The following COL6A5 variants were observed in gnomAD, a reference collection of about 807,000 sequenced individuals.
COL6A5 encodes collagen alpha-5(VI) chain.
COL6A5 carries 48 observed loss-of-function variants against 65.6 expected under a neutral mutation model. The ratio of observed to expected loss-of-function variants is 0.73; its 90% CI spans 0.58 to 0.93. The LOEUF (loss-of-function observed/expected upper bound fraction) is 0.93, where lower values mean the gene tolerates loss of function less well. COL6A5 is among the 40% of genes least tolerant of loss of function. The probability of loss-of-function intolerance (pLI) is 0.00; values close to 1 mark genes in which losing one functional copy is unlikely to be tolerated. For synonymous variants in COL6A5, 291 were observed against 322.8 expected (o/e 0.90, Z 1.05); for missense variants, 914 against 928.3 (o/e 0.98, Z 0.20).
At position 130,379,452 on chromosome 3, in the gene COL6A5, C is replaced by T. The variant is rs80113189; in HGVS notation, c.702C>T (p.Leu234=). The T allele has an allele frequency of 4.9e-4, 760 of 1,551,110 alleles. 5 individuals are homozygous for T. The African/African-American group carries it at 8.7e-3, about 18-fold the overall frequency. The change falls in exon 4 of 42, where the codon CTC becomes CTT. Residue 234 remains leucine (L), a synonymous_variant and NMD_transcript_variant. Coordinates refer to the COL6A5 transcript ENST00000312481. Reference sequence around the variant, plus strand: ...CCATATCCTGTCAGAAAGATTCACTCGCTGACCTCGTGTTCCTGGTGGATG... The same window carrying T: ...CCATATCCTGTCAGAAAGATTCACTTGCTGACCTCGTGTTCCTGGTGGATG...
intron 1 of COL6A5, among the ~76,000 whole-genome samples, chr3:130,432,588 T>C (rs1266068070): frequency 2.0e-5 from 3 of 150,970 alleles, no homozygotes; most frequent in Non-Finnish European, 2.9e-5. Context: ...AGAGGATTTC[T>C]AGTGACTTAA....
At chr3:130,385,301 CA>C (rs1936146971) in exon 5 of COL6A5, 1 of 1,550,824 alleles carries the variant, frequency 6.4e-7, no homozygotes. Context: ...TAGCTTTGGG[CA>C]GAACTTTGAT....
intron 1 of COL6A5, among the ~76,000 whole-genome samples, chr3:130,434,791 T>C (rs895285690): frequency 6.6e-6 from 1 of 152,158 alleles, no homozygotes; most frequent in Middle Eastern, 3.2e-3. Context: ...GTTTTTTGGG[T>C]TTTTTTCTTG....
intron 28 of COL6A5, 92 bp from the exon 29 acceptor site, chr3:130,423,734 CTTTTTAAAATTT>C (rs1937554265): frequency 1.3e-6 from 1 of 751,488 alleles, no homozygotes; most frequent in Non-Finnish European, 2.0e-6. Context: ...TAGCTGCTAT[CTTTTTAAAATTT>C]TTTTTAAAAT....
intron 10 of COL6A5, among the ~76,000 whole-genome samples, chr3:130,399,060 C>T (rs144646977): frequency 2.1e-3 from 315 of 152,246 alleles, no homozygotes; most frequent in South Asian, 0.011. Context: ...CAAACTGAGC[C>T]GGAAGCTAAA....
exon 20 of COL6A5, chr3:130,410,495 C>A: frequency 6.4e-7 from 1 of 1,550,842 alleles, no homozygotes; most frequent in Non-Finnish European, 8.7e-7. Flanking sequence ...GAAAGGGGTG[C>A]AAGGCAGTCC....
At chr3:130,392,844 G>A (rs1287285481) in intron 7 of COL6A5, among the ~76,000 whole-genome samples, 3 of 151,978 alleles carry the variant, frequency 2.0e-5, no homozygotes, top group Admixed American at 1.3e-4. Flanking sequence ...CATCTTCTTC[G>A]TTTCAGATAT....
At chr3:130,470,170 G>A (rs1709913042) in intron 6 of COL6A5, among the ~76,000 whole-genome samples, 2 of 152,040 alleles carry the variant, frequency 1.3e-5, no homozygotes, top group Non-Finnish European at 2.9e-5. Flanking sequence ...ACACAGTGGG[G>A]CTTTAAGGGT....
exon 29 of COL6A5, chr3:130,423,872 G>A (rs556827478): frequency 4.1e-5 from 64 of 1,549,704 alleles, no homozygotes; most frequent in South Asian, 2.7e-4. Flanking sequence ...GAGGGATCTC[G>A]AGGACTCCCA....
Position 130,406,451 on chromosome 3 carries a change from C to G in COL6A5, c.4479+130C>G, listed in dbSNP as rs1936997595. On this transcript the variant is annotated intron_variant and NMD_transcript_variant, in intron 17 of 41. Transcript: ENST00000312481. ...TTAACCACATAATGAAGGCCTATTGCTACTGAATGTATGCTGCATATCTGA... is the reference window on the plus strand; with the variant it reads ...TTAACCACATAATGAAGGCCTATTGGTACTGAATGTATGCTGCATATCTGA... 3 of 686,650 alleles carry G rather than the reference C, an allele frequency of 4.4e-6. No individual in the cohort carries two copies. The South Asian group carries it at 5.5e-5, about 13-fold the overall frequency. The allele number at this position is 686,650 out of a possible 1,614,324, so 42.5% of individuals were successfully genotyped here.
At chr3:130,352,592 G>A (rs778910240) in intron 1 of COL6A5, among the ~76,000 whole-genome samples, 1 of 152,130 alleles carries the variant, frequency 6.6e-6, no homozygotes, top group East Asian at 1.9e-4. Context: ...TCATGATCAA[G>A]TTGAGGCTCA....
chr3:130,435,403 G>C (rs1196789714), intron 1 of COL6A5, among the ~76,000 whole-genome samples: 2 of 152,104 alleles, frequency 1.3e-5, no homozygotes, highest in African/African-American at 4.8e-5. Flanking sequence ...TTTTTGCTTA[G>C]GATTGTCTTG....
rs993892919 is a variant in COL6A5, at chr3:130,389,031, A to G, written c.2313A>G (p.Leu771=). ...TATACAATGCCAATAGATCTCAGCT[A>G]GAAGAGATCAGTGGGGATAGCAGCC... The change falls in exon 6 of 42, where the codon CTA becomes CTG. Residue 771 remains leucine, a synonymous_variant and NMD_transcript_variant. Coordinates refer to the COL6A5 transcript ENST00000312481. 3.9e-6 allele frequency: 6 copies of G among 1,529,910 alleles called. No individual in the cohort carries two copies. The South Asian group carries it at 4.9e-5, about 13-fold the overall frequency. The allele number at this position is 1,529,910 out of a possible 1,614,324, so 94.8% of individuals were successfully genotyped here. A position where few individuals can be genotyped will look rare whatever the true frequency, so the allele number is the denominator to read the frequency against.
intron 7 of COL6A5, among the ~76,000 whole-genome samples, chr3:130,478,276 A>G (rs1710147490): frequency 6.6e-6 from 1 of 152,102 alleles, no homozygotes; most frequent in East Asian, 1.9e-4. Context: ...ATAACAAATG[A>G]TATCAGAGCT....
intron 1 of COL6A5, among the ~76,000 whole-genome samples, chr3:130,352,694 T>C (rs1483835451): frequency 6.6e-6 from 1 of 152,072 alleles, no homozygotes; most frequent in Non-Finnish European, 1.5e-5. Context: ...ATCTCCTTAG[T>C]GGAGAGGGGG....
At chr3:130,472,847 A>ATG (rs1168720082) in intron 7 of COL6A5, among the ~76,000 whole-genome samples, 1 of 143,338 alleles carries the variant, frequency 7.0e-6, no homozygotes, top group Non-Finnish European at 1.5e-5. Flanking sequence ...ATATATATAT[A>ATG]TATATATATA....
Position 130,476,572 on chromosome 3 carries a change from C to G in COL6A5, c.2328+5605C>G, listed in dbSNP as rs193237669. Among the ~76,000 whole-genome samples, 159 of 152,166 alleles carry G rather than the reference C, an allele frequency of 1.0e-3. 1 individual carries two copies. The highest frequency in any genetic ancestry group is 3.7e-3 in the African/African-American group (153 of 41,554). ...AGTCACATTCTCTAGAGGTAAGACA[C>G]AGGCATCAGTTCTTTTGTTTTGTTT... On this transcript the variant is annotated intron_variant, in intron 7 of 7. Coordinates refer to ENST00000512836, the Ensembl canonical transcript of COL6A5.
At chr3:130,483,685 T>G (rs1710307510) in intron 7 of COL6A5, among the ~76,000 whole-genome samples, 1 of 152,126 alleles carries the variant, frequency 6.6e-6, no homozygotes. Context: ...AAATTAATGT[T>G]AAAAAAGAAA....
At chr3:130,354,454 C>G (rs1029232579) in intron 1 of COL6A5, among the ~76,000 whole-genome samples, 1 of 152,054 alleles carries the variant, frequency 6.6e-6, no homozygotes, top group Non-Finnish European at 1.5e-5. Flanking sequence ...TACGTAGAAC[C>G]CAATCCCTTC....
Sources: allele counts gnomAD v4.1 joint callset (sites outside exome capture counted in the v4.1 genomes callset), GRCh38; gene constraint gnomAD v4.1.1; transcripts MANE v1.5; gene names NCBI Gene and HGNC (gene_info 2026-07-23, HGNC 2026-07-21).